SC5D: variants seen among roughly 807,000 people sequenced by gnomAD.
SC5D encodes sterol-C5-desaturase, also known as lathosterol oxidase.
In SC5D, 21 loss-of-function variants were observed where a neutral mutation model predicts 23.9. That is an observed-to-expected ratio of 0.88 (90% confidence interval 0.62 to 1.26). SC5D has a LOEUF of 1.26. Ranked by LOEUF, SC5D falls within the 50% of genes most tolerant of loss-of-function variation. The pLI is 0.00. For synonymous variants in SC5D, 113 were observed against 125.9 expected, an observed-to-expected ratio of 0.90 and a Z score of 0.68; for missense variants, 309 against 364.8, an observed-to-expected ratio of 0.85 and a Z score of 1.25.
chr11:121,293,473 G>T (rs1947866513), intron 1 of SC5D, among the ~76,000 whole-genome samples: 1 of 152,166 alleles, frequency 6.6e-6, no homozygotes, highest in South Asian at 2.1e-4. Flanking sequence ...CAGCAATCTG[G>T]GGCTGAGGAG....
rs1948014949 is a variant in SC5D, at chr11:121,312,050, T to G, written c.*4538T>G. ...TCTTTGTAAGAGTGGTAAAATACAT[T>G]GTGTTGTTAAATAATTTCATTTAAA... On this transcript the variant is annotated 3_prime_UTR_variant, in exon 5 of 5. Coordinates refer to ENST00000264027, the MANE Select transcript of SC5D (RefSeq NM_006918.5). 6.6e-6 allele frequency among the ~76,000 whole-genome samples: 1 copy of G among 152,254 alleles called. No individual in the cohort carries two copies. The highest frequency in any genetic ancestry group is 1.5e-5 in the Non-Finnish European group (1 of 68,030).
In SC5D at chr11:121,307,102, G is replaced by T; in HGVS notation, c.490G>T (p.Ala164Ser). 2.5e-6 allele frequency: 4 copies of T among 1,614,112 alleles called. No individual in the cohort carries two copies. Among genetic ancestry groups the T allele is most frequent in the Non-Finnish European group, 3.4e-6 (4 of 1,179,990 alleles). Residue 164 changes from alanine to serine, a missense_variant, in exon 5 of 5, where the codon GCA (alanine) becomes TCA (serine). Transcript: ENST00000264027. Reference protein sequence around the residue: ...HHIWKIPTPFASHAFHPIDGF... With the variant: ...HHIWKIPTPFSSHAFHPIDGF... ...TATTTGGAAGATTCCTACTCCATTT[G>T]CAAGTCATGCTTTTCACCCTATTGA...
chr11:121,309,157 T>A lies in SC5D; in HGVS notation c.*1645T>A, dbSNP rs1240715968. Among the ~76,000 whole-genome samples, 1 of 152,214 alleles carries A rather than the reference T, an allele frequency of 6.6e-6. No individual in the cohort carries two copies. The highest frequency in any genetic ancestry group is 1.5e-5 in the Non-Finnish European group (1 of 68,030). On this transcript the variant is annotated 3_prime_UTR_variant, in exon 5 of 5. Transcript: ENST00000264027. ...TCTCTCATATGATGTCCCATGTGGA[T>A]GTTTGTGGTCAGTGGACAGCTTTCC... is the stretch of plus-strand genomic sequence containing the variant.
At position 121,311,478 on chromosome 11, in the gene SC5D, C is replaced by G. The variant is rs1948010446; in HGVS notation, c.*3966C>G. 6.6e-6 allele frequency among the ~76,000 whole-genome samples: 1 copy of G among 152,140 alleles called. No homozygotes were observed. Among genetic ancestry groups the G allele is most frequent in the Admixed American group, 6.5e-5 (1 of 15,278 alleles). On this transcript the variant is annotated 3_prime_UTR_variant, in exon 5 of 5. Transcript: ENST00000264027. Reference sequence around the variant, plus strand: ...TTGGAAACAAAACCCACCAGTACCCCAGATTTTGACCACAGATGAATCAGT... The same window carrying G: ...TTGGAAACAAAACCCACCAGTACCCGAGATTTTGACCACAGATGAATCAGT...
At position 121,307,141 on chromosome 11, in the gene SC5D, A is replaced by G; in HGVS notation, c.529A>G (p.Ser177Gly). The G allele has an allele frequency of 1.2e-6, 2 of 1,614,104 alleles. No homozygotes were observed. The highest frequency in any genetic ancestry group is 1.7e-6 in the Non-Finnish European group (2 of 1,179,976). ...AFHPIDGFLQ[S>G]LPYHIYPFIF... The stretch of plus-strand genomic sequence containing the variant: ...TCACCCTATTGATGGCTTTCTTCAG[A>G]GTCTACCTTACCATATATACCCTTT... Residue 177 changes from serine (S) to glycine (G), a missense_variant, in exon 5 of 5, where the codon AGT becomes GGT. Transcript: ENST00000264027.
chr11:121,306,559 C>G (rs779565163), intron 4 of SC5D, 73 bp downstream of exon 4: 6 of 813,670 alleles, frequency 7.4e-6, no homozygotes, highest in African/African-American at 6.7e-5. Context: ...ATTCTGTTCT[C>G]TATTTCCAAG....
intron 1 of SC5D, among the ~76,000 whole-genome samples, chr11:121,300,353 T>C (rs1438530964): frequency 6.6e-6 from 1 of 152,194 alleles, no homozygotes; most frequent in East Asian, 1.9e-4. Flanking sequence ...ACACAGTAAC[T>C]ATGAAAAACA....
intron 4 of SC5D, chr11:121,306,780 C>T: frequency 1.6e-6 from 1 of 617,544 alleles, no homozygotes; most frequent in Non-Finnish European, 2.9e-6. Context: ...ATGAGACGCT[C>T]CCTATTGGGT....
intron 3 of SC5D, 118 bp from the exon 4 acceptor site, chr11:121,306,268 G>T: frequency 1.4e-6 from 1 of 703,884 alleles, no homozygotes; most frequent in Non-Finnish European, 2.6e-6. Context: ...AGCCAGAACA[G>T]ATCATTTATA....
At chr11:121,295,881 T>G (rs569850346) in intron 1 of SC5D, among the ~76,000 whole-genome samples, 1 of 152,304 alleles carries the variant, frequency 6.6e-6, no homozygotes, top group South Asian at 2.1e-4. Flanking sequence ...AAACGTGGGT[T>G]ATCCAAATCC....
At chr11:121,296,526 T>C (rs1947890730) in intron 1 of SC5D, among the ~76,000 whole-genome samples, 1 of 152,228 alleles carries the variant, frequency 6.6e-6, no homozygotes, top group African/African-American at 2.4e-5. Flanking sequence ...TCTAATATCA[T>C]ATTCACTAGG....
intron 1 of SC5D, among the ~76,000 whole-genome samples, chr11:121,294,931 G>A (rs1947878460): frequency 6.6e-6 from 1 of 152,102 alleles, no homozygotes; most frequent in South Asian, 2.1e-4. Context: ...CTGATATTAC[G>A]TAGTACCCTG....
At position 121,292,815 on chromosome 11, in the gene SC5D, A is replaced by AGGTGGGGACGGTGGGGAC. The variant is rs1389562306; in HGVS notation, c.-11+14_-11+15insGACGGTGGGGACGGTGGG. On this transcript the variant is annotated splice_region_variant and 5_prime_UTR_variant, in exon 1 of 5. Coordinates refer to ENST00000264027, the MANE Select transcript of SC5D (RefSeq NM_006918.5). ...TGCGGAGCGGCGGCGGACCACCTCCAGGTGGGGACGGTGGGTGGGCGGGGA... is the reference window on the plus strand; with the variant it reads ...TGCGGAGCGGCGGCGGACCACCTCCAGGTGGGGACGGTGGGGACGGTGGGGACGGTGGGTGGGCGGGGA... The AGGTGGGGACGGTGGGGAC allele has an allele frequency of 6.6e-6, 1 of 152,526 alleles. No individual in the cohort carries two copies. The highest frequency in any genetic ancestry group is 2.4e-5 in the African/African-American group (1 of 41,434). 9.4% of individuals were successfully genotyped at this position (152,526 alleles called of 1,614,324 possible). A position where few individuals can be genotyped will look rare whatever the true frequency, so the allele number is the denominator to read the frequency against.
chr11:121,307,162 C>T lies in SC5D; in HGVS notation c.550C>T (p.Pro184Ser). Reference sequence around the variant, plus strand: ...TCAGAGTCTACCTTACCATATATACCCTTTTATCTTTCCATTACACAAGGT... The same window carrying T: ...TCAGAGTCTACCTTACCATATATACTCTTTTATCTTTCCATTACACAAGGT... ...FLQSLPYHIY[P>S]FIFPLHKVVY... Residue 184 changes from proline to serine, a missense_variant, in exon 5 of 5, where the codon CCT becomes TCT. Coordinates refer to ENST00000264027, the MANE Select transcript of SC5D (RefSeq NM_006918.5). 6.2e-7 allele frequency: 1 copy of T among 1,613,940 alleles called. No homozygotes were observed. Among genetic ancestry groups the T allele is most frequent in the South Asian group, 1.1e-5 (1 of 91,078 alleles).
intron 1 of SC5D, among the ~76,000 whole-genome samples, chr11:121,301,938 A>G (rs1044715075): frequency 6.6e-6 from 1 of 152,142 alleles, no homozygotes. Context: ...TACATTAACA[A>G]ACACCGTAAG....
intron 1 of SC5D, among the ~76,000 whole-genome samples, chr11:121,296,293 G>T (rs1197882972): frequency 6.6e-6 from 1 of 152,156 alleles, no homozygotes; most frequent in African/African-American, 2.4e-5. Flanking sequence ...TCCTCAGCAG[G>T]ACAGCAGATC....
At position 121,304,288 on chromosome 11, in the gene SC5D, C is replaced by A. The variant is rs1009876112; in HGVS notation, c.211-73C>A. On this transcript the variant is annotated intron_variant, in intron 2 of 4. Coordinates refer to ENST00000264027, the MANE Select transcript of SC5D (RefSeq NM_006918.5). ...GTAAAAGAGATTTTAAAAATCCAGT[C>A]CAGAACAGTTTTATGCTAGTTTTGT... is the stretch of plus-strand genomic sequence containing the variant. The A allele has an allele frequency of 7.1e-6, 10 of 1,417,152 alleles. No individual in the cohort carries two copies. The African/African-American group carries it at 1.1e-4, about 16-fold the overall frequency. 87.8% of individuals were successfully genotyped at this position (1,417,152 alleles called of 1,614,324 possible).
chr11:121,299,434 A>C (rs1438945561), intron 1 of SC5D, among the ~76,000 whole-genome samples: 1 of 152,218 alleles, frequency 6.6e-6, no homozygotes, highest in African/African-American at 2.4e-5. Context: ...TTTTCTTTTA[A>C]AAAGAGAATA....
At chr11:121,303,068 A>G (rs1947936765) in intron 1 of SC5D, among the ~76,000 whole-genome samples, 1 of 152,158 alleles carries the variant, frequency 6.6e-6, no homozygotes, top group South Asian at 2.1e-4. Flanking sequence ...AGGGAATGAC[A>G]CTGAAATGGA....
Sources: gnomAD v4.1 joint callset for allele counts (sites outside exome capture counted in the v4.1 genomes callset) on GRCh38, gnomAD v4.1.1 for gene constraint, MANE v1.5 for transcripts, NCBI Gene and HGNC (gene_info 2026-07-23, HGNC 2026-07-21) for gene names.